The following ADGRB3 variants were observed in gnomAD, a reference collection of about 807,000 sequenced individuals.
ADGRB3 encodes the protein brain-specific angiogenesis inhibitor 3.
In ADGRB3, 37 loss-of-function variants were observed where a neutral mutation model predicts 193.4. That is an observed-to-expected ratio of 0.19 (90% confidence interval 0.15 to 0.25). The LOEUF (loss-of-function observed/expected upper bound fraction) is 0.25, where lower values mean the gene tolerates loss of function less well. Among genes scored for constraint, ADGRB3 ranks in the 10% least tolerant of loss-of-function variants. The pLI, the probability that ADGRB3 is intolerant of heterozygous loss-of-function variation, is 1.00. For missense variants in ADGRB3, 1,637 were observed against 1,852.9 expected (o/e 0.88, Z 2.14); for synonymous variants, 690 against 644.2 (o/e 1.07, Z -1.08).
intron 8 of ADGRB3, among the ~76,000 whole-genome samples, chr6:68,966,371 C>T (rs1768381404): frequency 6.6e-6 from 1 of 152,084 alleles, no homozygotes; most frequent in Non-Finnish European, 1.5e-5. Flanking sequence ...TTCCCTTGCC[C>T]CTAATATAAA....
chr6:69,362,868 T>C (rs1055419527), intron 29 of ADGRB3, among the ~76,000 whole-genome samples: 1 of 152,016 alleles, frequency 6.6e-6, no homozygotes, highest in East Asian at 1.9e-4. Context: ...AACTACAAAA[T>C]ATTTATGCAA....
chr6:69,094,904 C>A (rs1772830145), intron 17 of ADGRB3, among the ~76,000 whole-genome samples: 1 of 152,082 alleles, frequency 6.6e-6, no homozygotes. Flanking sequence ...AATGAAACTG[C>A]ACACTTTTAA....
At chr6:69,076,154 GAA>G in intron 17 of ADGRB3, 116 bp downstream of exon 17, 1 of 695,510 alleles carries the variant, frequency 1.4e-6, no homozygotes. Context: ...TGCATTCAGA[GAA>G]AAAAAAATCC....
chr6:69,274,787 G>T (rs957402265), intron 20 of ADGRB3, among the ~76,000 whole-genome samples: 2 of 152,010 alleles, frequency 1.3e-5, no homozygotes, highest in African/African-American at 4.8e-5. Context: ...GTGCTTAAAG[G>T]CCTTCTTACC....
intron 3 of ADGRB3, among the ~76,000 whole-genome samples, chr6:68,817,103 C>T (rs1212641342): frequency 6.6e-6 from 1 of 151,482 alleles, no homozygotes; most frequent in Non-Finnish European, 1.5e-5. Flanking sequence ...TTATTGGCCT[C>T]TGTATTCCTC....
At chr6:68,798,174 C>T (rs562246543) in intron 3 of ADGRB3, among the ~76,000 whole-genome samples, 3 of 152,182 alleles carry the variant, frequency 2.0e-5, no homozygotes, top group African/African-American at 4.8e-5. Flanking sequence ...CTTATGAAAA[C>T]AGTTGGTTTA....
chr6:68,667,385 A>G (rs1275926923), intron 3 of ADGRB3, among the ~76,000 whole-genome samples: 2 of 152,032 alleles, frequency 1.3e-5, no homozygotes, highest in South Asian at 2.1e-4. Flanking sequence ...CTAAAATGCT[A>G]ATTCATAGGT....
intron 15 of ADGRB3, among the ~76,000 whole-genome samples, chr6:69,058,570 A>G (rs1039863396): frequency 6.6e-6 from 1 of 151,828 alleles, no homozygotes; most frequent in Non-Finnish European, 1.5e-5. Flanking sequence ...TTTTTAATGT[A>G]GGTGTTTACT....
chr6:69,083,573 A>G (rs888223328), intron 17 of ADGRB3, among the ~76,000 whole-genome samples: 2 of 152,134 alleles, frequency 1.3e-5, no homozygotes, highest in African/African-American at 2.4e-5. Context: ...AAAGGGTAAG[A>G]ATTTCATGGG....
At chr6:68,928,949 T>G (rs1176374299) in intron 3 of ADGRB3, among the ~76,000 whole-genome samples, 1 of 152,162 alleles carries the variant, frequency 6.6e-6, no homozygotes, top group Non-Finnish European at 1.5e-5. Flanking sequence ...TATTTGAAAA[T>G]ATTGGATAGT....
chr6:69,131,006 C>G (rs1773993649), intron 17 of ADGRB3, among the ~76,000 whole-genome samples: 1 of 151,894 alleles, frequency 6.6e-6, no homozygotes, highest in Non-Finnish European at 1.5e-5. Flanking sequence ...AGAAAATCTC[C>G]AAATGAAAGT....
At chr6:68,957,828 A>G (rs545600465) in intron 8 of ADGRB3, among the ~76,000 whole-genome samples, 101 of 152,310 alleles carry the variant, frequency 6.6e-4, no homozygotes, top group Middle Eastern at 3.4e-3. Context: ...TTCTCACAGT[A>G]CAACACTAAG....
intron 20 of ADGRB3, among the ~76,000 whole-genome samples, chr6:69,286,348 T>C (rs1257146516): frequency 6.6e-6 from 1 of 152,214 alleles, no homozygotes. Context: ...TTTCCAACTT[T>C]TCCATCCTAC....
chr6:69,063,205 T>C (rs1403862610), intron 16 of ADGRB3, among the ~76,000 whole-genome samples, 169 bp downstream of exon 16: 1 of 152,030 alleles, frequency 6.6e-6, no homozygotes, highest in East Asian at 1.9e-4. Flanking sequence ...TTCTATGCTT[T>C]TTTCATGATA....
rs1407453090 is a variant in ADGRB3 at position 69,385,155 on chromosome 6, ATTTTAC to A, written c.4380+2222_4380+2227del. Among the ~76,000 whole-genome samples, 130 of 152,056 alleles carry A rather than the reference ATTTTAC, an allele frequency of 8.5e-4. 1 individual carries two copies. Among genetic ancestry groups the A allele is most frequent in the African/African-American group, 3.0e-3 (125 of 41,508 alleles). On this transcript the variant is annotated intron_variant, in intron 31 of 31. Transcript: ENST00000370598. ...GGCACTGATATCCAGAGAAGAAACT[ATTTTAC>A]TCTGTGTGTGTTTCACAAACCATTC...
In ADGRB3 at chr6:68,936,101, C is replaced by T. The variant is rs188295252; in HGVS notation, c.869-418C>T. ...AGAAAGGGTGTTATGCAATAAAGGA[C>T]TAAGGAGGAACACATCAATATATTC... is the stretch of plus-strand genomic sequence containing the variant. On this transcript the variant is annotated intron_variant, in intron 4 of 31. Coordinates refer to ENST00000370598, the MANE Select transcript of ADGRB3 (RefSeq NM_001704.3). Among the ~76,000 whole-genome samples the T allele has an allele frequency of 4.5e-3, 679 of 152,224 alleles. 2 individuals carry two copies. The highest frequency in any genetic ancestry group is 0.015 in the African/African-American group (634 of 41,544).
At chr6:68,955,818 G>T (rs1161926076) in intron 6 of ADGRB3, among the ~76,000 whole-genome samples, 1 of 151,914 alleles carries the variant, frequency 6.6e-6, no homozygotes, top group Non-Finnish European at 1.5e-5. Context: ...AGATATGCTG[G>T]ATATATAAAA....
At chr6:68,926,978 C>T (rs1377181948) in intron 3 of ADGRB3, among the ~76,000 whole-genome samples, 2 of 151,942 alleles carry the variant, frequency 1.3e-5, no homozygotes, top group Non-Finnish European at 1.5e-5. Flanking sequence ...ATCTGACTTC[C>T]AGAGCCTATT....
intron 3 of ADGRB3, among the ~76,000 whole-genome samples, chr6:68,690,752 T>C (rs753204538): frequency 3.3e-5 from 5 of 152,142 alleles, no homozygotes; most frequent in Non-Finnish European, 7.4e-5. Context: ...AGTACAATTA[T>C]ATGGGTTAAA....
Sources: gnomAD v4.1 joint callset for allele counts (sites outside exome capture counted in the v4.1 genomes callset) on GRCh38, gnomAD v4.1.1 for gene constraint, MANE v1.5 for transcripts, NCBI Gene and HGNC (gene_info 2026-07-23, HGNC 2026-07-21) for gene names.